RAB9A: variants seen among roughly 807,000 people sequenced by gnomAD.
RAB9A encodes the protein RAB9A, member RAS oncogene family, also known as ras-related protein Rab-9A.
RAB9A carries 1 observed loss-of-function variant against 10.3 expected under a neutral mutation model. The ratio of observed to expected loss-of-function variants is 0.10; its 90% CI spans 0.03 to 0.46. The LOEUF (loss-of-function observed/expected upper bound fraction) is 0.46. Among genes scored for constraint, RAB9A ranks in the 20% least tolerant of loss-of-function variants. RAB9A has a pLI of 0.96. For missense variants in RAB9A, 92 were observed against 150.3 expected, an observed-to-expected ratio of 0.61 and a Z score of 2.03; for synonymous variants, 39 against 55.2, an observed-to-expected ratio of 0.71 and a Z score of 1.30.
chrX:13,702,073 A>G (rs1193583477), intron 1 of RAB9A, among the ~76,000 whole-genome samples: 1 of 111,164 alleles, frequency 9.0e-6, no homozygotes, highest in East Asian at 2.8e-4. Flanking sequence ...AATCCTTTCC[A>G]TGGCTTCTAC....
intron 1 of RAB9A, among the ~76,000 whole-genome samples, chrX:13,690,398 T>G (rs1387949330): frequency 8.9e-6 from 1 of 112,323 alleles, no homozygotes; most frequent in African/African-American, 3.2e-5. Context: ...TTGTGTCTGC[T>G]GTGGTAAATT....
intron 2 of RAB9A, among the ~76,000 whole-genome samples, chrX:13,707,117 T>C (rs1177488030): frequency 8.9e-6 from 1 of 112,505 alleles, no homozygotes; most frequent in Admixed American, 9.4e-5. Flanking sequence ...TTGAATAAAA[T>C]TTAAAATGCG....
intron 1 of RAB9A, among the ~76,000 whole-genome samples, chrX:13,698,006 C>T (rs1042010338): frequency 9.0e-6 from 1 of 110,864 alleles, no homozygotes; most frequent in African/African-American, 3.3e-5. Context: ...TTCAGTTCTT[C>T]AGTTAGACCA....
chrX:13,692,742 C>T (rs1452910596), intron 1 of RAB9A, among the ~76,000 whole-genome samples: 1 of 111,654 alleles, frequency 9.0e-6, no homozygotes, highest in African/African-American at 3.3e-5. Context: ...CAAAAAGGAT[C>T]GCATCTCTTT....
chrX:13,689,966 C>CT (rs5901512), intron 1 of RAB9A, among the ~76,000 whole-genome samples: 44,241 of 95,328 alleles, frequency 0.46, 8,434 homozygotes, highest in South Asian at 0.66. Context: ...GGACGTATTG[C>CT]TTTTTTTTTT....
chrX:13,705,752 GAAC>G (rs1569064617), intron 2 of RAB9A, among the ~76,000 whole-genome samples: 2 of 107,805 alleles, frequency 1.9e-5, no homozygotes, highest in Admixed American at 2.1e-4. Context: ...TGTGTGAAAG[GAAC>G]AACATTGGGA....
chrX:13,708,215 T>C (rs771350180), intron 2 of RAB9A, among the ~76,000 whole-genome samples: 3 of 109,347 alleles, frequency 2.7e-5, no homozygotes, highest in African/African-American at 1.0e-4. Flanking sequence ...TTTCAGCTAC[T>C]TGGGAGGCTG....
intron 1 of RAB9A, among the ~76,000 whole-genome samples, chrX:13,690,871 T>C (rs1184067776): frequency 2.7e-5 from 3 of 111,287 alleles, no homozygotes; most frequent in South Asian, 7.5e-4. Flanking sequence ...CAGTCTGTTT[T>C]CCAAGATGAC....
At chrX:13,697,150 G>A (rs2046151473) in intron 1 of RAB9A, among the ~76,000 whole-genome samples, 1 of 111,583 alleles carries the variant, frequency 9.0e-6, no homozygotes, top group Admixed American at 9.5e-5. Context: ...AGTTTGTATA[G>A]TTCCCCAACC....
At chrX:13,694,548 C>T (rs1449421230) in intron 1 of RAB9A, among the ~76,000 whole-genome samples, 1 of 111,856 alleles carries the variant, frequency 8.9e-6, no homozygotes, top group Non-Finnish European at 1.9e-5. Context: ...ATGATGTCAT[C>T]GAAAGGAATG....
At position 13,709,474 on chromosome X, in the gene RAB9A, G is replaced by A. The variant is rs1295060146; in HGVS notation, c.*122G>A. 4 of 816,330 alleles carry A rather than the reference G, an allele frequency of 4.9e-6. No individual in the cohort carries two copies. The highest frequency in any genetic ancestry group is 3.2e-4 in the Middle Eastern group (1 of 3,132). 67.3% of individuals were successfully genotyped at this position (816,330 alleles called of 1,213,427 possible). A position where few individuals can be genotyped will look rare whatever the true frequency, so the allele number is the denominator to read the frequency against. On this transcript the variant is annotated 3_prime_UTR_variant, in exon 3 of 3. Transcript: ENST00000464506. ...CTACTAATAAAATTAAACTAATGTT[G>A]CTGCTTCATTAGTTGGTGGGAGAAG... is the stretch of plus-strand genomic sequence containing the variant.
rs747528368 is a variant in RAB9A at position 13,709,088 on chromosome X, T to C, written c.342T>C (p.Pro114=). ...TATATTATGCAGATGTGAAAGAGCC[T>C]GAGAGCTTTCCTTTTGTGATTCTGG... ...EFIYYADVKE[P]ESFPFVILGN... Residue 114 remains proline (P), a synonymous_variant, in exon 3 of 3, where the codon CCT becomes CCC. Coordinates refer to ENST00000464506, the MANE Select transcript of RAB9A (RefSeq NM_004251.5). 13 of 1,209,850 alleles carry C rather than the reference T, an allele frequency of 1.1e-5. No homozygotes were observed. Among genetic ancestry groups the C allele is most frequent in the Admixed American group, 6.6e-5 (3 of 45,681 alleles).
At chrX:13,701,972 C>A (rs2046176038) in intron 1 of RAB9A, among the ~76,000 whole-genome samples, 1 of 111,112 alleles carries the variant, frequency 9.0e-6, no homozygotes, top group Non-Finnish European at 1.9e-5. Flanking sequence ...CCCATTGCAT[C>A]CAGTTAGCTT....
chrX:13,694,847 C>T (rs1370808145), intron 1 of RAB9A, among the ~76,000 whole-genome samples: 1 of 111,932 alleles, frequency 8.9e-6, no homozygotes, highest in Non-Finnish European at 1.9e-5. Context: ...CCCTCATTTC[C>T]CCCAGAGCTT....
In RAB9A at chrX:13,709,457, AAAATT is replaced by A. The variant is rs777039163; in HGVS notation, c.*109_*113del. The A allele has an allele frequency of 2.0e-5, 18 of 907,028 alleles. No individual in the cohort carries two copies. In the East Asian group the frequency reaches 5.4e-4, roughly 27 times the overall value. The allele number at this position is 907,028 out of a possible 1,213,427, so 74.7% of individuals were successfully genotyped here. ...TTGCAGCAGTGTATCATCTACTAAT[AAAATT>A]AAACTAATGTTGCTGCTTCATTAGT... On this transcript the variant is annotated 3_prime_UTR_variant, in exon 3 of 3. Transcript: ENST00000464506.
intron 1 of RAB9A, among the ~76,000 whole-genome samples, chrX:13,702,616 C>T (rs191660874): frequency 5.5e-4 from 62 of 112,086 alleles, no homozygotes; most frequent in Middle Eastern, 4.6e-3. Flanking sequence ...CAGGCAACTC[C>T]GTAAGATAGT....
chrX:13,696,540 G>T (rs1286509912), intron 1 of RAB9A, among the ~76,000 whole-genome samples: 1 of 112,426 alleles, frequency 8.9e-6, no homozygotes, highest in African/African-American at 3.2e-5. Flanking sequence ...TGGAGATGCT[G>T]GTCAAACTTG....
At chrX:13,705,683 C>T (rs1273725006) in intron 2 of RAB9A, among the ~76,000 whole-genome samples, 1 of 111,754 alleles carries the variant, frequency 8.9e-6, no homozygotes, top group African/African-American at 3.3e-5. Context: ...TCAGTAGAGA[C>T]TTATTAAAAT....
At chrX:13,703,393 A>G (rs2046183187) in intron 1 of RAB9A, among the ~76,000 whole-genome samples, 1 of 112,486 alleles carries the variant, frequency 8.9e-6, no homozygotes, top group Non-Finnish European at 1.9e-5. Flanking sequence ...TAGCTTGCAT[A>G]CCATACTGGG....
Sources: allele counts gnomAD v4.1 joint callset (sites outside exome capture counted in the v4.1 genomes callset), GRCh38; gene constraint gnomAD v4.1.1; transcripts MANE v1.5; gene names NCBI Gene and HGNC (gene_info 2026-07-23, HGNC 2026-07-21).